Variants in MARCHF5 observed in about 807,000 individuals in gnomAD.
The protein encoded by MARCHF5 is membrane associated ring-CH-type finger 5, also known as E3 ubiquitin-protein ligase MARCHF5.
A neutral mutation model predicts 36.5 loss-of-function variants in MARCHF5; 5 were observed. That is an observed-to-expected ratio of 0.14 (90% CI 0.07 to 0.29). MARCHF5 has a LOEUF of 0.29. Among genes scored for constraint, MARCHF5 ranks in the 10% least tolerant of loss-of-function variants. The probability of loss-of-function intolerance (pLI) is 1.00; values close to 1 mark genes in which losing one functional copy is unlikely to be tolerated. For missense variants in MARCHF5, 179 were observed against 336.3 expected, an observed-to-expected ratio of 0.53 and a Z score of 3.66; for synonymous variants, 103 against 109.9, an observed-to-expected ratio of 0.94 and a Z score of 0.39.
chr10:92,304,164 T>G (rs1229610088), intron 1 of MARCHF5, among the ~76,000 whole-genome samples: 3 of 152,166 alleles, frequency 2.0e-5, no homozygotes, highest in Non-Finnish European at 4.4e-5. Context: ...AATGCCAGGG[T>G]GCCAAGTAGA....
intron 2 of MARCHF5, among the ~76,000 whole-genome samples, chr10:92,320,773 TA>T (rs1843281004): frequency 6.6e-6 from 1 of 152,078 alleles, no homozygotes; most frequent in Admixed American, 6.5e-5. Flanking sequence ...AAAGTTACAG[TA>T]AGCTAAGGTT....
At chr10:92,308,832 G>C (rs1037227568) in intron 1 of MARCHF5, among the ~76,000 whole-genome samples, 1 of 151,696 alleles carries the variant, frequency 6.6e-6, no homozygotes, top group African/African-American at 2.4e-5. Flanking sequence ...AGCCTCCTGA[G>C]TAGCTGGGAC....
intron 2 of MARCHF5, among the ~76,000 whole-genome samples, chr10:92,317,752 CT>C (rs61127922): frequency 3.3e-3 from 443 of 134,994 alleles, no homozygotes; most frequent in East Asian, 5.5e-3. Context: ...AATCTGAATG[CT>C]TTTTTTTTTT....
At chr10:92,346,490 TTC>T (rs1843645367) in intron 3 of MARCHF5, among the ~76,000 whole-genome samples, 3 of 138,822 alleles carry the variant, frequency 2.2e-5, no homozygotes, top group African/African-American at 2.6e-5. Flanking sequence ...CCCTATTTCC[TTC>T]TTTTTTTTTT....
chr10:92,348,185 C>CA (rs58496139), intron 3 of MARCHF5, among the ~76,000 whole-genome samples: 2,667 of 121,294 alleles, frequency 0.022, 69 homozygotes, highest in African/African-American at 0.075. Context: ...AATTCCGTCT[C>CA]AAAAAAAAAA....
chr10:92,320,795 TA>T (rs1843281147), intron 2 of MARCHF5, among the ~76,000 whole-genome samples: 2 of 152,044 alleles, frequency 1.3e-5, no homozygotes, highest in Non-Finnish European at 2.9e-5. Flanking sequence ...AATTTATTAT[TA>T]AAAATTATAA....
At chr10:92,340,616 A>T in intron 2 of MARCHF5, 57 bp from the exon 3 acceptor site, 1 of 1,486,730 alleles carries the variant, frequency 6.7e-7, no homozygotes. Context: ...ATATCAAACA[A>T]GTCATTTTAA....
At chr10:92,310,163 A>AG (rs982305683) in intron 1 of MARCHF5, among the ~76,000 whole-genome samples, 26 of 152,286 alleles carry the variant, frequency 1.7e-4, no homozygotes, top group South Asian at 4.1e-4. Context: ...CACTGAGCAT[A>AG]GTTAAGCTAG....
intron 2 of MARCHF5, among the ~76,000 whole-genome samples, chr10:92,326,102 GGAAA>G (rs1843355248): frequency 6.6e-6 from 1 of 152,130 alleles, no homozygotes; most frequent in South Asian, 2.1e-4. Flanking sequence ...TGCTTAGAAG[GGAAA>G]GATTTTCACT....
intron 5 of MARCHF5, among the ~76,000 whole-genome samples, chr10:92,350,590 C>T (rs1464599353): frequency 1.3e-5 from 2 of 152,178 alleles, no homozygotes; most frequent in African/African-American, 4.8e-5. Context: ...CGCTAGATTT[C>T]CCAGTAGATA....
intron 1 of MARCHF5, among the ~76,000 whole-genome samples, chr10:92,299,545 G>C (rs537452013): frequency 1.4e-4 from 21 of 152,100 alleles, no homozygotes; most frequent in Non-Finnish European, 2.5e-4. Context: ...ACCTTGCACA[G>C]CTCCCCCAAA....
intron 1 of MARCHF5, among the ~76,000 whole-genome samples, chr10:92,297,902 A>G (rs1489351222): frequency 6.6e-6 from 1 of 152,076 alleles, no homozygotes; most frequent in East Asian, 1.9e-4. Context: ...AGCTCTACTG[A>G]AAGTGTACTG....
chr10:92,331,920 CAT>C (rs71852546), intron 2 of MARCHF5, among the ~76,000 whole-genome samples: 1,051 of 56,414 alleles, frequency 0.019, 13 homozygotes, highest in African/African-American at 0.054. Context: ...TATATATAAT[CAT>C]ATATATGTAT....
chr10:92,305,141 G>C (rs1843058375), intron 1 of MARCHF5, among the ~76,000 whole-genome samples: 1 of 152,188 alleles, frequency 6.6e-6, no homozygotes, highest in Non-Finnish European at 1.5e-5. Context: ...AGGCACGATG[G>C]CTCACACCGG....
At position 92,351,927 on chromosome 10, in the gene MARCHF5, T is replaced by TGTGTGG. The variant is rs1157531537; in HGVS notation, c.*725_*726insGGTGTG. ...GTGTGTGTGTGTGTGTGTGTGTGTG[T>TGTGTGG]GTGTGTGTGTGTATTTGTGTGTTTC... On this transcript the variant is annotated 3_prime_UTR_variant, in exon 6 of 6. Coordinates refer to ENST00000358935, the MANE Select transcript of MARCHF5 (RefSeq NM_017824.5). 6.6e-6 allele frequency: 1 copy of TGTGTGG among 152,344 alleles called. No individual in the cohort carries two copies. Among genetic ancestry groups the TGTGTGG allele is most frequent in the Non-Finnish European group, 1.5e-5 (1 of 67,980 alleles). 9.4% of individuals were successfully genotyped at this position (152,344 alleles called of 1,614,324 possible).
intron 1 of MARCHF5, among the ~76,000 whole-genome samples, chr10:92,301,245 T>C (rs1843008292): frequency 6.6e-6 from 1 of 152,132 alleles, no homozygotes; most frequent in South Asian, 2.1e-4. Context: ...ATATGGCCCA[T>C]TGGAGTAAAC....
chr10:92,330,145 T>C (rs1163050304), intron 2 of MARCHF5, among the ~76,000 whole-genome samples: 2 of 152,180 alleles, frequency 1.3e-5, no homozygotes, highest in African/African-American at 4.8e-5. Context: ...GCCTGGCCCT[T>C]CATTTAGTCT....
intron 2 of MARCHF5, among the ~76,000 whole-genome samples, chr10:92,316,519 C>G (rs751502721): frequency 2.0e-5 from 3 of 152,142 alleles, no homozygotes; most frequent in Non-Finnish European, 4.4e-5. Flanking sequence ...CAGAACACCA[C>G]CCCCTTCCTC....
At chr10:92,325,139 C>G (rs1172177134) in intron 2 of MARCHF5, among the ~76,000 whole-genome samples, 1 of 152,024 alleles carries the variant, frequency 6.6e-6, no homozygotes, top group South Asian at 2.1e-4. Flanking sequence ...TAAAGACCAG[C>G]CTGAGCAACA....
Sources: gnomAD v4.1 joint callset for allele counts (sites outside exome capture counted in the v4.1 genomes callset) on GRCh38, gnomAD v4.1.1 for gene constraint, MANE v1.5 for transcripts, NCBI Gene and HGNC (gene_info 2026-07-23, HGNC 2026-07-21) for gene names.